Variants in ABLIM2 observed in about 807,000 individuals in gnomAD.
ABLIM2 encodes actin-binding LIM protein 2.
ABLIM2 carries 53 observed loss-of-function variants against 97.7 expected under a neutral mutation model. The ratio of observed to expected loss-of-function variants is 0.54; its 90% CI spans 0.44 to 0.68. ABLIM2 has a LOEUF of 0.68. Ranked by LOEUF, ABLIM2 falls within the 30% of genes least tolerant of loss-of-function variation. The probability of loss-of-function intolerance (pLI) is 0.00; values close to 1 mark genes in which losing one functional copy is unlikely to be tolerated. For synonymous variants in ABLIM2, 361 were observed against 345.8 expected (o/e 1.04, Z -0.49); for missense variants, 835 against 867.2 (o/e 0.96, Z 0.47).
Position 8,071,462 on chromosome 4 carries a change from A to T in ABLIM2, c.675+6166T>A, listed in dbSNP as rs368611672. 9.2e-5 allele frequency among the ~76,000 whole-genome samples: 14 copies of T among 152,170 alleles called. 1 individual carries two copies. In the East Asian group the frequency reaches 2.3e-3, roughly 25 times the overall value. ...ACCCCACTGTCACCACCAAATGCACATTTCGCGGGCAGGCGGGCACTGCGG... is the reference window on the plus strand; with the variant it reads ...ACCCCACTGTCACCACCAAATGCACTTTTCGCGGGCAGGCGGGCACTGCGG... On this transcript the variant is annotated intron_variant, in intron 6 of 20. Coordinates refer to ENST00000447017, the MANE Select transcript of ABLIM2 (RefSeq NM_001130083.2). The surrounding 1 kb of genome is among the most constrained non-coding windows in gnomAD (Gnocchi z 6.2).
intron 18 of ABLIM2, 42 bp downstream of exon 18, chr4:7,984,797 C>G: frequency 6.5e-7 from 1 of 1,549,422 alleles, no homozygotes; most frequent in Non-Finnish European, 8.7e-7. Flanking sequence ...GTTAGCGACC[C>G]CTGCCCCAGC....
In ABLIM2 at chr4:8,097,178, C is replaced by T. The variant is rs376500598; in HGVS notation, c.259G>A (p.Asp87Asn). The change falls in exon 3 of 21, where the codon GAC becomes AAC. Residue 87 changes from aspartate (D) to asparagine (N), a missense_variant. Coordinates refer to ENST00000447017, the MANE Select transcript of ABLIM2 (RefSeq NM_001130083.2). Reference sequence around the variant, plus strand: ...ACCACCTCACCCTCAATGAACTGGTCGCAGCTGAAGCAGCGGGTGCCGTAG... The same window carrying T: ...ACCACCTCACCCTCAATGAACTGGTTGCAGCTGAAGCAGCGGGTGCCGTAG... Reference protein sequence around the residue: ...RLYGTRCFSCDQFIEGEVVSA... With the variant: ...RLYGTRCFSCNQFIEGEVVSA... 58 of 1,606,512 alleles carry T rather than the reference C, an allele frequency of 3.6e-5. No homozygotes were observed. Among genetic ancestry groups the T allele is most frequent in the Non-Finnish European group, 4.5e-5 (53 of 1,176,882 alleles).
intron 3 of ABLIM2, among the ~76,000 whole-genome samples, chr4:8,093,838 G>A (rs137984252): frequency 1.7e-4 from 26 of 152,276 alleles, no homozygotes; most frequent in Admixed American, 1.3e-3. Context: ...AGATTCTGAT[G>A]TGTTTATTCT....
intron 4 of ABLIM2, among the ~76,000 whole-genome samples, chr4:8,086,502 C>A (rs1823762942): frequency 6.6e-6 from 1 of 152,076 alleles, no homozygotes. Context: ...TGGGCACTAC[C>A]ACACCAGGCT....
At chr4:8,030,905 G>T (rs1470883248) in intron 10 of ABLIM2, among the ~76,000 whole-genome samples, 1 of 152,178 alleles carries the variant, frequency 6.6e-6, no homozygotes, top group African/African-American at 2.4e-5. Context: ...CTGCAGGTGG[G>T]CCATGTTCTT....
At chr4:8,047,358 T>TTCC (rs139472480) in intron 8 of ABLIM2, among the ~76,000 whole-genome samples, 41,442 of 148,970 alleles carry the variant, frequency 0.28, 6,114 homozygotes, top group Non-Finnish European at 0.35. Context: ...CCACCGCCTC[T>TTCC]TCCTCCTCCT....
chr4:8,071,549 G>T lies in ABLIM2; in HGVS notation c.675+6079C>A, dbSNP rs575711609. On this transcript the variant is annotated intron_variant, in intron 6 of 20. Transcript: ENST00000447017. The surrounding 1 kb of genome is among the most constrained non-coding windows in gnomAD (Gnocchi z 6.2). ...GCAGACACAGCACAGGCGAGGGCTC[G>T]GCTGGCAGTGGGAGCCTGGGATGCT... 6.6e-6 allele frequency among the ~76,000 whole-genome samples: 1 copy of T among 152,176 alleles called. No individual in the cohort carries two copies. Among genetic ancestry groups the T allele is most frequent in the South Asian group, 2.1e-4 (1 of 4,832 alleles).
chr4:8,149,582 G>A lies in ABLIM2; in HGVS notation c.10+9098C>T, dbSNP rs1384427582. Among the ~76,000 whole-genome samples, 1 of 151,912 alleles carries A rather than the reference G, an allele frequency of 6.6e-6. No individual in the cohort carries two copies. The highest frequency in any genetic ancestry group is 1.5e-5 in the Non-Finnish European group (1 of 67,978). The stretch of plus-strand genomic sequence containing the variant: ...TGGAGTCCGGCAGAGCCTTGAAAGG[G>A]AGAGGAGGAGGGACTCCAGGGGAGC... On this transcript the variant is annotated intron_variant, in intron 1 of 20. Coordinates refer to ENST00000447017, the MANE Select transcript of ABLIM2 (RefSeq NM_001130083.2). This position sits in a 1 kb window ranked among gnomAD's most constrained non-coding sequence, Gnocchi z 6.4.
intron 2 of ABLIM2, among the ~76,000 whole-genome samples, chr4:8,102,691 C>T (rs1419378462): frequency 6.6e-6 from 1 of 152,188 alleles, no homozygotes; most frequent in African/African-American, 2.4e-5. Flanking sequence ...ACAGATTTTC[C>T]CAGGTAAACT....
At position 8,091,629 on chromosome 4, in the gene ABLIM2, TTA is replaced by T. The variant is rs1409848867; in HGVS notation, c.339-3347_339-3346del. ...ATATTATGTATAATTTTATATAAAA[TTA>T]TATATATAATTTTATATATTATATA... On this transcript the variant is annotated intron_variant, in intron 3 of 20. Transcript: ENST00000447017. Among the ~76,000 whole-genome samples, 35 of 63,600 alleles carry T rather than the reference TTA, an allele frequency of 5.5e-4. 1 individual carries two copies. The South Asian group carries it at 7.8e-3, about 14-fold the overall frequency. 41.7% of individuals were successfully genotyped at this position (63,600 alleles called of 152,430 possible).
Position 8,087,284 on chromosome 4 carries a change from G to A in ABLIM2, c.454+885C>T, listed in dbSNP as rs1003468545. Among the ~76,000 whole-genome samples the A allele has an allele frequency of 1.3e-5, 2 of 152,104 alleles. No individual in the cohort carries two copies. Among genetic ancestry groups the A allele is most frequent in the Non-Finnish European group, 2.9e-5 (2 of 68,012 alleles). ...GAGCCTGTGTGCCATCTCATGATCC[G>A]GCAGAGCCACCCCAGCTGGGAAAGG... On this transcript the variant is annotated intron_variant, in intron 4 of 20. Coordinates refer to ENST00000447017, the MANE Select transcript of ABLIM2 (RefSeq NM_001130083.2). The surrounding 1 kb of genome is among the most constrained non-coding windows in gnomAD (Gnocchi z 4.6).
At position 8,021,877 on chromosome 4, in the gene ABLIM2, C is replaced by T. The variant is rs1167999554; in HGVS notation, c.1268-1574G>A. ...TGCCCTTCCCTTAGCAACCTCCCTC[C>T]AGAACAGCATGGAACCTTCTAGAGC... On this transcript the variant is annotated intron_variant, in intron 12 of 20. Coordinates refer to ENST00000447017, the MANE Select transcript of ABLIM2 (RefSeq NM_001130083.2). This position sits in a 1 kb window ranked among gnomAD's most constrained non-coding sequence, Gnocchi z 5.5. Among the ~76,000 whole-genome samples, 1 of 152,234 alleles carries T rather than the reference C, an allele frequency of 6.6e-6. No homozygotes were observed. The highest frequency in any genetic ancestry group is 1.5e-5 in the Non-Finnish European group (1 of 68,048).
intron 1 of ABLIM2, among the ~76,000 whole-genome samples, chr4:8,146,696 A>C (rs544038204): frequency 4.6e-5 from 7 of 151,912 alleles, no homozygotes; most frequent in Admixed American, 4.6e-4. Flanking sequence ...TGCCCAGCTA[A>C]TTTTTTTATT....
chr4:8,129,598 C>A (rs1052524117), intron 1 of ABLIM2, among the ~76,000 whole-genome samples: 1 of 152,188 alleles, frequency 6.6e-6, no homozygotes, highest in African/African-American at 2.4e-5. Context: ...AAACTTGACA[C>A]CCCATCCCAA....
At chr4:8,056,887 G>A (rs1303598859) in intron 7 of ABLIM2, among the ~76,000 whole-genome samples, 1 of 125,042 alleles carries the variant, frequency 8.0e-6, no homozygotes, top group East Asian at 2.5e-4. Flanking sequence ...AGCCAAGATC[G>A]CACCACTGCA....
At chr4:7,976,637 C>T (rs1317382735) in intron 20 of ABLIM2, among the ~76,000 whole-genome samples, 1 of 152,066 alleles carries the variant, frequency 6.6e-6, no homozygotes, top group Non-Finnish European at 1.5e-5. Flanking sequence ...AATTCATTTC[C>T]TACCTGCCAT....
At chr4:8,111,247 C>T (rs1324159941) in intron 1 of ABLIM2, among the ~76,000 whole-genome samples, 2 of 152,234 alleles carry the variant, frequency 1.3e-5, no homozygotes, top group African/African-American at 4.8e-5. Flanking sequence ...CCTGGAAAGG[C>T]TATGCCCTGC....
At chr4:8,154,532 G>A (rs184263232) in intron 1 of ABLIM2, among the ~76,000 whole-genome samples, 11 of 151,914 alleles carry the variant, frequency 7.2e-5, no homozygotes, top group African/African-American at 1.4e-4. Context: ...CACCCGCCTC[G>A]GCCTCCCAAA....
At chr4:8,094,135 G>A (rs1830217903) in intron 3 of ABLIM2, among the ~76,000 whole-genome samples, 2 of 151,894 alleles carry the variant, frequency 1.3e-5, no homozygotes, top group Admixed American at 1.3e-4. Flanking sequence ...TTTCCACTTC[G>A]GCCATTGTAT....
Sources: gnomAD v4.1 joint callset for allele counts (sites outside exome capture counted in the v4.1 genomes callset) on GRCh38, gnomAD v4.1.1 for gene constraint, Gnocchi (gnomAD v3.1) non-coding constraint, MANE v1.5 for transcripts, NCBI Gene and HGNC (gene_info 2026-07-23, HGNC 2026-07-21) for gene names.